PCIF1: variants seen among roughly 807,000 people sequenced by gnomAD.
The protein encoded by PCIF1 is mRNA (2'-O-methyladenosine-N(6)-)-methyltransferase.
PCIF1 carries 12 observed loss-of-function variants against 86.9 expected under a neutral mutation model. The ratio of observed to expected loss-of-function variants is 0.14; its 90% CI spans 0.09 to 0.22. The LOEUF is 0.22. Ranked by LOEUF, PCIF1 falls within the 10% of genes least tolerant of loss-of-function variation. The probability of loss-of-function intolerance (pLI) is 1.00; values close to 1 mark genes in which losing one functional copy is unlikely to be tolerated. For synonymous variants in PCIF1, 397 were observed against 372.0 expected (o/e 1.07, Z -0.77); for missense variants, 701 against 951.1 (o/e 0.74, Z 3.46).
In PCIF1 at chr20:45,943,261, G is replaced by A; in HGVS notation, c.821+17G>A. 1 of 1,614,152 alleles carries A rather than the reference G, an allele frequency of 6.2e-7. No individual in the cohort carries two copies. The highest frequency in any genetic ancestry group is 1.1e-5 in the South Asian group (1 of 91,082). On this transcript the variant is annotated intron_variant, in intron 8 of 16. Coordinates refer to ENST00000372409, the MANE Select transcript of PCIF1 (RefSeq NM_022104.4). This position sits in a 1 kb window ranked among gnomAD's most constrained non-coding sequence, Gnocchi z 5.5. The stretch of plus-strand genomic sequence containing the variant: ...TCCTATCAGGTACAGCTCCACAGCT[G>A]GGGATGACCCTGGGCCATTTGGTTT...
chr20:45,946,013 C>CT lies in PCIF1; in HGVS notation c.1342-15dup. ...GAGCACTGCTGAAGGCTCCTCCTCT[C>CT]TGTCCCGCTCCACAGTGGCTCCTTT... On this transcript the variant is annotated splice_polypyrimidine_tract_variant and intron_variant, in intron 12 of 16. Coordinates refer to ENST00000372409, the MANE Select transcript of PCIF1 (RefSeq NM_022104.4). The CT allele has an allele frequency of 6.2e-7, 1 of 1,614,068 alleles. No homozygotes were observed. The highest frequency in any genetic ancestry group is 1.1e-5 in the South Asian group (1 of 91,076).
chr20:45,939,037 C>T lies in PCIF1; in HGVS notation c.38C>T (p.Ala13Val), dbSNP rs1202358951. ...NENHGSPREE[A>V]SLLSHSPGTS... ...AATCACGGCAGCCCCCGGGAGGAAG[C>T]GTCCCTGCTGAGTCACTCCCCAGGT... Residue 13 changes from alanine (A) to valine (V), a missense_variant, in exon 3 of 17, where the codon GCG (alanine) becomes GTG (valine). By Grantham distance (64) the Ala-to-Val change is moderately conservative (BLOSUM62 0). Coordinates refer to ENST00000372409, the MANE Select transcript of PCIF1 (RefSeq NM_022104.4). The T allele has an allele frequency of 3.7e-6, 6 of 1,613,860 alleles. No individual in the cohort carries two copies. The highest frequency in any genetic ancestry group is 1.6e-4 in the Middle Eastern group (1 of 6,084).
chr20:45,942,506 G>GT (rs1451250895), intron 7 of PCIF1, among the ~76,000 whole-genome samples: 1 of 151,338 alleles, frequency 6.6e-6, no homozygotes, highest in African/African-American at 2.4e-5. Context: ...GTAGAGATGG[G>GT]TTTTTTCCAT....
rs2083516748 is a variant in PCIF1 at position 45,945,592 on chromosome 20, G to A, written c.1169-119G>A. 2.4e-6 allele frequency: 3 copies of A among 1,243,556 alleles called. No homozygotes were observed. In the African/African-American group the frequency reaches 4.5e-5, roughly 19 times the overall value. 77.0% of individuals were successfully genotyped at this position (1,243,556 alleles called of 1,614,324 possible). On this transcript the variant is annotated intron_variant, in intron 11 of 16. Transcript: ENST00000372409. The stretch of plus-strand genomic sequence containing the variant: ...TTTCATTCCCTTTCTACTGAACTGG[G>A]CCAGAGTATACTGATCTGTGGAATG...
Position 45,940,574 on chromosome 20 carries a change from G to T in PCIF1, c.349G>T (p.Glu117Ter). Residue 117 changes from glutamate to a stop codon, truncating the protein, a stop_gained, in exon 5 of 17, where the codon GAA becomes TAA. Transcript: ENST00000372409. LOFTEE classifies it high-confidence loss of function. ...CAAGCCCAGAAAGCGGCAGCTCTCG[G>T]AAGAGCAGCCAAGCGGCAATGGTGT... Reference protein sequence around the residue: ...ENKPRKRQLSEEQPSGNGVKK... With the variant: ...ENKPRKRQLS The T allele has an allele frequency of 6.2e-7, 1 of 1,610,510 alleles. No homozygotes were observed. The highest frequency in any genetic ancestry group is 1.1e-5 in the South Asian group (1 of 90,666).
At chr20:45,946,732 G>C (rs117985362) in intron 14 of PCIF1, among the ~76,000 whole-genome samples, 29 of 152,180 alleles carry the variant, frequency 1.9e-4, no homozygotes, top group African/African-American at 7.0e-4. Flanking sequence ...GATGAGAGAA[G>C]GTAATGCTGT....
intron 2 of PCIF1, among the ~76,000 whole-genome samples, chr20:45,938,687 G>A (rs74403420): frequency 1.3e-5 from 2 of 152,142 alleles, no homozygotes; most frequent in Admixed American, 1.3e-4. Flanking sequence ...TGACCACCTG[G>A]CCTGGGGAGG....
Position 45,943,849 on chromosome 20 carries a change from G to A in PCIF1, c.1005+84G>A. ...GAAGCCTACTCTGCCTGTCCAGGCT[G>A]GGCAAGGCCTCCCCCAGCGGCCTAT... is the stretch of plus-strand genomic sequence containing the variant. On this transcript the variant is annotated intron_variant, in intron 10 of 16. Transcript: ENST00000372409. The surrounding 1 kb of genome is among the most constrained non-coding windows in gnomAD (Gnocchi z 5.5). 1.7e-6 allele frequency: 2 copies of A among 1,154,706 alleles called. No homozygotes were observed. Among genetic ancestry groups the A allele is most frequent in the Non-Finnish European group, 1.3e-6 (1 of 799,368 alleles). 71.5% of individuals were successfully genotyped at this position (1,154,706 alleles called of 1,614,324 possible). A position where few individuals can be genotyped will look rare whatever the true frequency, so the allele number is the denominator to read the frequency against.
At chr20:45,937,329 G>A (rs1460240677) in intron 1 of PCIF1, 89 bp from the exon 2 acceptor site, 3 of 398,366 alleles carry the variant, frequency 7.5e-6, no homozygotes, top group South Asian at 1.3e-4. Flanking sequence ...TGCCCTGGAG[G>A]CCCCCAACTT....
intron 2 of PCIF1, among the ~76,000 whole-genome samples, chr20:45,938,438 TTC>T (rs2083443711): frequency 6.6e-6 from 1 of 152,218 alleles, no homozygotes; most frequent in South Asian, 2.1e-4. Context: ...TAGGAATCGC[TTC>T]TCAAGGGCAG....
In PCIF1 at chr20:45,945,793, C is replaced by G. The variant is rs370451852; in HGVS notation, c.1251C>G (p.Pro417=). The part of the protein sequence containing the change: ...VRLAVSAPPM[P]SVEMHMENNV... ...TGGCTGTGTCTGCACCGCCCATGCCCAGCGTGGAGATGCACATGGAGAACA... is the reference window on the plus strand; with the variant it reads ...TGGCTGTGTCTGCACCGCCCATGCCGAGCGTGGAGATGCACATGGAGAACA... The change falls in exon 12 of 17, where the codon CCC becomes CCG. Residue 417 remains proline, a synonymous_variant. Coordinates refer to ENST00000372409, the MANE Select transcript of PCIF1 (RefSeq NM_022104.4). The G allele has an allele frequency of 9.9e-6, 16 of 1,613,930 alleles. No homozygotes were observed. The African/African-American group carries it at 2.0e-4, about 20-fold the overall frequency.
At chr20:45,939,401 A>G (rs757864431) in intron 4 of PCIF1, 62 bp downstream of exon 4, 38 of 1,603,140 alleles carry the variant, frequency 2.4e-5, no homozygotes, top group Non-Finnish European at 3.2e-5. Context: ...GCCTTCCCCA[A>G]ATGTACCCTG....
chr20:45,939,928 T>C (rs952399821), intron 4 of PCIF1, among the ~76,000 whole-genome samples: 1 of 152,130 alleles, frequency 6.6e-6, no homozygotes, highest in Admixed American at 6.5e-5. Context: ...TCATTTTGCA[T>C]GTGAAGACAC....
chr20:45,937,360 T>G, intron 1 of PCIF1, 58 bp from the exon 2 acceptor site: 1 of 399,208 alleles, frequency 2.5e-6, no homozygotes, highest in Non-Finnish European at 4.4e-6. Flanking sequence ...TTTGTCCCTC[T>G]TGTCCCTGCC....
At chr20:45,942,281 T>G (rs796663368) in intron 7 of PCIF1, among the ~76,000 whole-genome samples, 165 of 149,072 alleles carry the variant, frequency 1.1e-3, no homozygotes, top group African/African-American at 3.6e-3. Flanking sequence ...GCCCACCCTT[T>G]TTTTTTTTTT....
intron 2 of PCIF1, among the ~76,000 whole-genome samples, chr20:45,938,557 A>G (rs2083444402): frequency 6.6e-6 from 1 of 152,118 alleles, no homozygotes; most frequent in African/African-American, 2.4e-5. Flanking sequence ...GAGAGAGCTG[A>G]ATTGGACGCA....
chr20:45,947,219 C>G lies in PCIF1; in HGVS notation c.1708-44C>G, dbSNP rs368841028. ...GGCAACAGGCAGGATTGCCAGCCAC[C>G]TGGGAGGTAGTCCCTGACATCCACC... On this transcript the variant is annotated intron_variant, in intron 15 of 16. Transcript: ENST00000372409. This position sits in a 1 kb window ranked among gnomAD's most constrained non-coding sequence, Gnocchi z 5.4. 155 of 1,600,442 alleles carry G rather than the reference C, an allele frequency of 9.7e-5. 1 individual carries two copies. Among genetic ancestry groups the G allele is most frequent in the Non-Finnish European group, 1.8e-5 (21 of 1,169,790 alleles).
At position 45,943,446 on chromosome 20, in the gene PCIF1, G is replaced by A; in HGVS notation, c.905+23G>A. 1.2e-6 allele frequency: 2 copies of A among 1,604,958 alleles called. No homozygotes were observed. Among genetic ancestry groups the A allele is most frequent in the East Asian group, 4.5e-5 (2 of 44,750 alleles). ...CAGGTTTGCCTGTCTTCTGCCCCAG[G>A]CGAGATGGGTCTGTGATTAAAGTGG... On this transcript the variant is annotated intron_variant, in intron 9 of 16. Coordinates refer to ENST00000372409, the MANE Select transcript of PCIF1 (RefSeq NM_022104.4). The surrounding 1 kb of genome is among the most constrained non-coding windows in gnomAD (Gnocchi z 5.5).
chr20:45,936,131 T>G (rs1396149926), intron 1 of PCIF1, among the ~76,000 whole-genome samples: 2 of 152,176 alleles, frequency 1.3e-5, no homozygotes, highest in Admixed American at 1.3e-4. Flanking sequence ...TAGGTATGTT[T>G]GTTGATTTTT....
Sources: allele counts gnomAD v4.1 joint callset (sites outside exome capture counted in the v4.1 genomes callset), GRCh38; gene constraint gnomAD v4.1.1; non-coding constraint Gnocchi (gnomAD v3.1); transcripts MANE v1.5; gene names NCBI Gene and HGNC (gene_info 2026-07-23, HGNC 2026-07-21).